Variants in CDHR4 observed in about 807,000 individuals in gnomAD.
CDHR4 encodes the protein cadherin-related family member 4.
A neutral mutation model predicts 88.4 loss-of-function variants in CDHR4; 89 were observed. That is an observed-to-expected ratio of 1.01 (90% confidence interval 0.85 to 1.20). The LOEUF (loss-of-function observed/expected upper bound fraction) is 1.20, where lower values mean the gene tolerates loss of function less well. Ranked by LOEUF, CDHR4 falls within the 50% of genes most tolerant of loss-of-function variation. The probability of loss-of-function intolerance (pLI) is 0.00; values close to 1 mark genes in which losing one functional copy is unlikely to be tolerated. For missense variants in CDHR4, 914 were observed against 1,007.2 expected, an observed-to-expected ratio of 0.91 and a Z score of 1.25; for synonymous variants, 368 against 399.2, an observed-to-expected ratio of 0.92 and a Z score of 0.93.
At position 49,799,093 on chromosome 3, in the gene CDHR4, T is replaced by G. The variant is rs547386345; in HGVS notation, c.304A>C (p.Lys102Gln). The G allele has an allele frequency of 3.2e-6, 5 of 1,578,294 alleles. No homozygotes were observed. The South Asian group carries it at 5.8e-5, about 18-fold the overall frequency. Residue 102 changes from lysine to glutamine, a missense_variant, in exon 3 of 19, where the codon AAG becomes CAG. Physicochemically the swap from Lys to Gln is moderately conservative, Grantham distance 53. Coordinates refer to ENST00000412678, the MANE Select transcript of CDHR4 (RefSeq NM_001007540.4). ...LMVNHYKVQL[K>Q]FTCGNHVMEG... ...ATCACATGGTTGCCACATGTGAACTTCAGCTGCACCTTGTAGTGGTTCACC... is the reference window on the plus strand; with the variant it reads ...ATCACATGGTTGCCACATGTGAACTGCAGCTGCACCTTGTAGTGGTTCACC...
At chr3:49,799,675 C>T in intron 1 of CDHR4, 89 bp downstream of exon 1, 2 of 1,426,270 alleles carry the variant, frequency 1.4e-6, no homozygotes, top group South Asian at 1.2e-5. Context: ...CCTACCTCTC[C>T]CCCAATCCCT....
chr3:49,793,426 C>G, intron 12 of CDHR4, 115 bp from the exon 13 acceptor site: 1 of 1,453,612 alleles, frequency 6.9e-7, no homozygotes, highest in East Asian at 2.5e-5. Context: ...ATGAAGTCAT[C>G]ACACAACAGG....
chr3:49,796,362 CTT>C lies in CDHR4; in HGVS notation c.607-318_607-317del, dbSNP rs1379863533. Among the ~76,000 whole-genome samples, 122 of 146,092 alleles carry C rather than the reference CTT, an allele frequency of 8.4e-4. 1 individual carries two copies. The highest frequency in any genetic ancestry group is 2.4e-3 in the African/African-American group (97 of 40,144). The stretch of plus-strand genomic sequence containing the variant: ...ACTGCACTGACCATTTTACTCAGAA[CTT>C]TTTTTTTTTTTGCCCATGTTGGAGC... On this transcript the variant is annotated intron_variant, in intron 5 of 18. Transcript: ENST00000412678.
intron 12 of CDHR4, 26 bp from the exon 13 acceptor site, chr3:49,793,337 T>A (rs1348676723): frequency 6.5e-7 from 1 of 1,548,366 alleles, no homozygotes; most frequent in African/African-American, 1.4e-5. Context: ...AGGTTAGGAG[T>A]GGGTGGAACC....
At chr3:49,798,733 C>G (rs1055474524) in intron 4 of CDHR4, 93 bp downstream of exon 4, 79 of 1,251,002 alleles carry the variant, frequency 6.3e-5, no homozygotes, top group Non-Finnish European at 8.5e-5. Context: ...CAAGGTTCCT[C>G]TTCAGGCTGT....
chr3:49,793,009 G>A lies in CDHR4; in HGVS notation c.1840C>T (p.Pro614Ser). The stretch of plus-strand genomic sequence containing the variant: ...GTACGGGGCTGCTCTGGCCAGAACG[G>A]CCCCAACACAAGGTCACTGTGCACC... Reference protein sequence around the residue: ...ILVHSDLVLGPFWPEQPRTYE... With the variant: ...ILVHSDLVLGSFWPEQPRTYE... The change falls in exon 14 of 19, where the codon CCG (proline) becomes TCG (serine). Residue 614 changes from proline (P) to serine (S), a missense_variant. Pro to Ser is a moderately conservative substitution (Grantham distance 74). Coordinates refer to ENST00000412678, the MANE Select transcript of CDHR4 (RefSeq NM_001007540.4). 6.4e-7 allele frequency: 1 copy of A among 1,551,656 alleles called. No individual in the cohort carries two copies. Among genetic ancestry groups the A allele is most frequent in the Non-Finnish European group, 8.7e-7 (1 of 1,146,984 alleles).
chr3:49,793,539 T>A (rs2108278509), intron 12 of CDHR4, 44 bp downstream of exon 12: 1 of 1,547,152 alleles, frequency 6.5e-7, no homozygotes, highest in East Asian at 2.4e-5. Flanking sequence ...TCTGAACTCC[T>A]GTCTTTCCAA....
In CDHR4 at chr3:49,799,010, A is replaced by T; in HGVS notation, c.387T>A (p.Gly129=). Residue 129 remains glycine, a synonymous_variant, in exon 3 of 19, where the codon GGT becomes GGA. Coordinates refer to ENST00000412678, the MANE Select transcript of CDHR4 (RefSeq NM_001007540.4). ...TGGCCTCACCTGGGCTGGCAAATTGACCAGCACACTGGATATGGCTAAGGT... is the reference window on the plus strand; with the variant it reads ...TGGCCTCACCTGGGCTGGCAAATTGTCCAGCACACTGGATATGGCTAAGGT... ...QRDLSHIQCA[G]QFASPAGEMI... is the part of the protein sequence containing the mutation. 1 of 1,608,708 alleles carries T rather than the reference A, an allele frequency of 6.2e-7. No individual in the cohort carries two copies. The highest frequency in any genetic ancestry group is 8.5e-7 in the Non-Finnish European group (1 of 1,177,752).
intron 5 of CDHR4, among the ~76,000 whole-genome samples, chr3:49,796,432 G>C (rs748012383): frequency 5.3e-5 from 8 of 152,088 alleles, no homozygotes; most frequent in Non-Finnish European, 1.0e-4. Context: ...CACCCCCTGG[G>C]TTCAAGCAAT....
At chr3:49,799,940 T>C (rs2081338453), upstream of CDHR4, 1 of 837,650 alleles carries the variant, frequency 1.2e-6, no homozygotes, top group Non-Finnish European at 1.9e-6. Flanking sequence ...TCCCAGATTC[T>C]ATCCCCACCC....
At chr3:49,799,725 A>C in intron 1 of CDHR4, 39 bp downstream of exon 1, 1 of 1,608,382 alleles carries the variant, frequency 6.2e-7, no homozygotes. Context: ...TCAGGACTCC[A>C]AGGGAAAACT....
chr3:49,795,089 G>T lies in CDHR4; in HGVS notation c.1043C>A (p.Pro348Gln). 6.4e-7 allele frequency: 1 copy of T among 1,551,644 alleles called. No homozygotes were observed. Among genetic ancestry groups the T allele is most frequent in the Non-Finnish European group, 8.7e-7 (1 of 1,146,996 alleles). The change falls in exon 9 of 19, where the codon CCG (proline) becomes CAG (glutamine). Residue 348 changes from proline to glutamine, a missense_variant. Coordinates refer to ENST00000412678, the MANE Select transcript of CDHR4 (RefSeq NM_001007540.4). This position sits in a 1 kb window ranked among gnomAD's most constrained non-coding sequence, Gnocchi z 5.4. The part of the protein sequence containing the change: ...CLPALLVSQI[P>Q]ETAPVGTVLN... ...CACGGTGCCCACGGGTGCAGTCTCC[G>T]GGATTTGGGACCTGAGAGTATGCAG... is the stretch of plus-strand genomic sequence containing the variant.
At chr3:49,792,767 C>T in intron 14 of CDHR4, 87 bp downstream of exon 14, 1 of 1,455,174 alleles carries the variant, frequency 6.9e-7, no homozygotes. Context: ...AACTGCCTTC[C>T]CCATAGTTCC....
At chr3:49,799,724 C>T in intron 1 of CDHR4, 40 bp downstream of exon 1, 2 of 1,608,690 alleles carry the variant, frequency 1.2e-6, no homozygotes, top group East Asian at 2.2e-5. Context: ...GTCAGGACTC[C>T]AAGGGAAAAC....
chr3:49,795,798 T>C lies in CDHR4; in HGVS notation c.711-34A>G. The stretch of plus-strand genomic sequence containing the variant: ...AAAGGGGGGCACTGGTTCCTGCCCA[T>C]TCCTGCTCAACCTGTGGGTCCACAG... On this transcript the variant is annotated intron_variant, in intron 6 of 18. Coordinates refer to ENST00000412678, the MANE Select transcript of CDHR4 (RefSeq NM_001007540.4). This position sits in a 1 kb window ranked among gnomAD's most constrained non-coding sequence, Gnocchi z 5.4. The C allele has an allele frequency of 3.2e-6, 5 of 1,551,054 alleles. No individual in the cohort carries two copies. Among genetic ancestry groups the C allele is most frequent in the Non-Finnish European group, 2.6e-6 (3 of 1,146,628 alleles).
In CDHR4 at chr3:49,795,994, C is replaced by T. The variant is rs1303695263; in HGVS notation, c.659G>A (p.Gly220Glu). The T allele has an allele frequency of 1.3e-6, 2 of 1,545,334 alleles. No homozygotes were observed. Among genetic ancestry groups the T allele is most frequent in the Admixed American group, 2.0e-5 (1 of 49,702 alleles). Residue 220 changes from glycine (G) to glutamate (E), a missense_variant, in exon 6 of 19, where the codon GGG (glycine) becomes GAG (glutamate). Coordinates refer to ENST00000412678, the MANE Select transcript of CDHR4 (RefSeq NM_001007540.4). This position sits in a 1 kb window ranked among gnomAD's most constrained non-coding sequence, Gnocchi z 5.4. Reference sequence around the variant, plus strand: ...AGGCAAAACCTTCACTATCACCATCCCTTGGCAGCTTTGCCTTTGTCCAAA... The same window carrying T: ...AGGCAAAACCTTCACTATCACCATCTCTTGGCAGCTTTGCCTTTGTCCAAA... ...VSFGQRQSCQ[G>E]MVIVKVLPVP...
At chr3:49,799,989 C>T (rs1367763069), upstream of CDHR4, among the ~76,000 whole-genome samples, 1 of 152,182 alleles carries the variant, frequency 6.6e-6, no homozygotes, top group Non-Finnish European at 1.5e-5. Flanking sequence ...GGCAGGCTTC[C>T]AGAGGCTCAG....
rs779968203 is a variant in CDHR4, at chr3:49,792,958, C to T, written c.1891G>A (p.Asp631Asn). The T allele has an allele frequency of 3.9e-5, 61 of 1,551,550 alleles. No individual in the cohort carries two copies. The highest frequency in any genetic ancestry group is 4.4e-5 in the Non-Finnish European group (50 of 1,146,994). The stretch of plus-strand genomic sequence containing the variant: ...AGGTGGGGGGTGGAGGGGCCTGCAT[C>T]GGCCACACAGATCAGTAGCTCATAG... ...RTYELLICVA[D>N]AGPSTPHLST... Residue 631 changes from aspartate to asparagine, a missense_variant, in exon 14 of 19, where the codon GAT becomes AAT. Asp to Asn is a conservative substitution (Grantham distance 23). Coordinates refer to ENST00000412678, the MANE Select transcript of CDHR4 (RefSeq NM_001007540.4).
At chr3:49,791,370 A>G (rs1254457892) in intron 18 of CDHR4, 71 bp downstream of exon 18, 1 of 1,466,990 alleles carries the variant, frequency 6.8e-7, no homozygotes, top group African/African-American at 1.4e-5. Flanking sequence ...GAGATGGGGT[A>G]AAGAGAGGAG....
Sources: gnomAD v4.1 joint callset for allele counts (sites outside exome capture counted in the v4.1 genomes callset) on GRCh38, gnomAD v4.1.1 for gene constraint, Gnocchi (gnomAD v3.1) non-coding constraint, MANE v1.5 for transcripts, NCBI Gene and HGNC (gene_info 2026-07-23, HGNC 2026-07-21) for gene names.